Variants in COL28A1 observed in about 807,000 individuals in gnomAD.
COL28A1 encodes the protein collagen alpha-1(XXVIII) chain.
COL28A1 carries 161 observed loss-of-function variants against 150.2 expected under a neutral mutation model. The ratio of observed to expected loss-of-function variants is 1.07; its 90% CI spans 0.94 to 1.22. The LOEUF (loss-of-function observed/expected upper bound fraction) is 1.22, where lower values mean the gene tolerates loss of function less well. COL28A1 is among the 50% of genes most tolerant of loss of function. The pLI, the probability that COL28A1 is intolerant of heterozygous loss-of-function variation, is 0.00. For synonymous variants in COL28A1, 552 were observed against 469.7 expected (o/e 1.18, Z -2.26); for missense variants, 1,617 against 1,388.3 (o/e 1.16, Z -2.62).
intron 15 of COL28A1, among the ~76,000 whole-genome samples, chr7:7,456,416 T>C (rs1339224964): frequency 6.6e-6 from 1 of 152,178 alleles, no homozygotes; most frequent in African/African-American, 2.4e-5. Flanking sequence ...CATTTCCTGC[T>C]AAGATTGTAA....
intron 13 of COL28A1, among the ~76,000 whole-genome samples, chr7:7,486,138 G>A (rs962849686): frequency 4.7e-4 from 71 of 152,028 alleles, no homozygotes; most frequent in Non-Finnish European, 8.1e-4. Context: ...TCAGTGTTTT[G>A]TAGTTTTATA....
chr7:7,383,684 A>G (rs10250319), intron 27 of COL28A1, among the ~76,000 whole-genome samples: 23,248 of 114,866 alleles, frequency 0.2, 4,486 homozygotes, highest in African/African-American at 0.55. Context: ...GTGTGTGTGT[A>G]TATATATATA....
intron 15 of COL28A1, among the ~76,000 whole-genome samples, chr7:7,459,262 A>T (rs77557607): frequency 6.6e-6 from 1 of 152,230 alleles, no homozygotes; most frequent in Non-Finnish European, 1.5e-5. Context: ...GCTGCTCCAA[A>T]GGAAGAAAGA....
At position 7,369,999 on chromosome 7, in the gene COL28A1, C is replaced by G. The variant is rs552905705; in HGVS notation, c.3066+726G>C. On this transcript the variant is annotated intron_variant, in intron 33 of 34. Coordinates refer to ENST00000399429, the MANE Select transcript of COL28A1 (RefSeq NM_001037763.3). The stretch of plus-strand genomic sequence containing the variant: ...ACTTGGTGGAGAAGAGACTATAGCA[C>G]TCATCGGTAACTAAAAAAGGCTCCC... Among the ~76,000 whole-genome samples, 198 of 152,148 alleles carry G rather than the reference C, an allele frequency of 1.3e-3. 1 individual carries two copies. The highest frequency in any genetic ancestry group is 2.1e-3 in the Non-Finnish European group (145 of 68,006).
intron 27 of COL28A1, among the ~76,000 whole-genome samples, chr7:7,400,988 G>A (rs1783157941): frequency 7.0e-6 from 1 of 143,432 alleles, no homozygotes; most frequent in Admixed American, 6.9e-5. Context: ...GTGTGTGTGT[G>A]TGTGTGTGTG....
chr7:7,388,730 T>C (rs1399197505), intron 27 of COL28A1, among the ~76,000 whole-genome samples: 1 of 152,220 alleles, frequency 6.6e-6, no homozygotes, highest in Non-Finnish European at 1.5e-5. Flanking sequence ...CTCATTGTGG[T>C]TTTGATTGGC....
Position 7,380,789 on chromosome 7 carries a change from C to T in COL28A1, c.2279G>A (p.Gly760Glu). 2 of 1,613,426 alleles carry T rather than the reference C, an allele frequency of 1.2e-6. No individual in the cohort carries two copies. Among genetic ancestry groups the T allele is most frequent in the Non-Finnish European group, 1.7e-6 (2 of 1,179,448 alleles). The change falls in exon 29 of 35, where the codon GGA becomes GAA. Residue 760 changes from glycine (G) to glutamate (E), a missense_variant. Physicochemically the swap from Gly to Glu is moderately conservative, Grantham distance 98 (BLOSUM62 -2). Coordinates refer to ENST00000399429, the MANE Select transcript of COL28A1 (RefSeq NM_001037763.3). ...ACATTAAAAACTACTTGCCTGTTTT[C>T]CTGGAGATCCAGGCTCTCCAATTTC... Reference protein sequence around the residue: ...KGEIGEPGSPGKQGLQGPKGD... With the variant: ...KGEIGEPGSPEKQGLQGPKGD...
intron 27 of COL28A1, among the ~76,000 whole-genome samples, chr7:7,408,059 T>A (rs1273050329): frequency 6.6e-6 from 1 of 152,172 alleles, no homozygotes; most frequent in Non-Finnish European, 1.5e-5. Context: ...TTAATTCCAT[T>A]TCTGTGTCTC....
intron 18 of COL28A1, among the ~76,000 whole-genome samples, chr7:7,447,787 C>CTAAAAA (rs1022541670): frequency 2.6e-5 from 4 of 152,010 alleles, no homozygotes; most frequent in African/African-American, 9.7e-5. Flanking sequence ...AAAAGCTATC[C>CTAAAAA]TAAATTAAAC....
chr7:7,399,490 G>A (rs1198355369), intron 27 of COL28A1, among the ~76,000 whole-genome samples: 1 of 152,148 alleles, frequency 6.6e-6, no homozygotes, highest in Non-Finnish European at 1.5e-5. Flanking sequence ...ATTGTTCTGA[G>A]CTAGAGGTAA....
intron 19 of COL28A1, 62 bp downstream of exon 19, chr7:7,444,356 G>A: frequency 6.2e-7 from 1 of 1,602,828 alleles, no homozygotes; most frequent in Non-Finnish European, 8.5e-7. Context: ...GCTCCTGCAG[G>A]ACCAAGATAT....
intron 7 of COL28A1, 146 bp downstream of exon 7, chr7:7,517,650 C>A: frequency 1.8e-6 from 2 of 1,142,424 alleles, no homozygotes; most frequent in Non-Finnish European, 2.5e-6. Flanking sequence ...AAGATCATAT[C>A]TTTCTGATTG....
chr7:7,529,102 G>C (rs1225962441), intron 3 of COL28A1, among the ~76,000 whole-genome samples: 2 of 151,808 alleles, frequency 1.3e-5, no homozygotes, highest in Non-Finnish European at 2.9e-5. Flanking sequence ...AGGAGTTTGA[G>C]AACAGCCTGG....
At chr7:7,378,242 G>A (rs1341891606) in intron 30 of COL28A1, among the ~76,000 whole-genome samples, 1 of 152,162 alleles carries the variant, frequency 6.6e-6, no homozygotes, top group Middle Eastern at 3.2e-3. Flanking sequence ...TTTGAAACCG[G>A]TGTGTTTCTC....
intron 13 of COL28A1, among the ~76,000 whole-genome samples, chr7:7,486,449 C>T (rs1012804405): frequency 2.6e-5 from 4 of 152,050 alleles, no homozygotes; most frequent in South Asian, 2.1e-4. Context: ...CTTGTCTTAT[C>T]GTGCTGGCTG....
At chr7:7,362,665 A>G (rs1780730700) in intron 33 of COL28A1, among the ~76,000 whole-genome samples, 1 of 152,208 alleles carries the variant, frequency 6.6e-6, no homozygotes, top group Admixed American at 6.5e-5. Context: ...CACAATTCAA[A>G]TACAATAGGA....
At chr7:7,362,636 T>C (rs2348027) in intron 33 of COL28A1, among the ~76,000 whole-genome samples, 118,543 of 151,972 alleles carry the variant, frequency 0.78, 46,413 homozygotes, top group East Asian at 0.88. Context: ...GATTGGTCAT[T>C]AGCCCTATAT....
chr7:7,432,703 G>A lies in COL28A1; in HGVS notation c.1861-3C>T, dbSNP rs1323273199. 1 of 1,612,462 alleles carries A rather than the reference G, an allele frequency of 6.2e-7. No homozygotes were observed. The stretch of plus-strand genomic sequence containing the variant: ...GGTCCCCGAGGGCCTTGGACACCCT[G>A]GGTAAATTCCAACATCAGTGATATC... On this transcript the variant is annotated splice_region_variant and splice_polypyrimidine_tract_variant and intron_variant, in intron 23 of 34. Coordinates refer to ENST00000399429, the MANE Select transcript of COL28A1 (RefSeq NM_001037763.3).
At chr7:7,542,672 T>A in the COL28A1 span, among the ~76,000 whole-genome samples, 1 of 152,214 alleles carries the variant, frequency 6.6e-6, no homozygotes, top group Non-Finnish European at 1.5e-5. Flanking sequence ...AACTTTATCT[T>A]GAAAGCAACG....
Sources: gnomAD v4.1 joint callset for allele counts (sites outside exome capture counted in the v4.1 genomes callset) on GRCh38, gnomAD v4.1.1 for gene constraint, MANE v1.5 for transcripts, NCBI Gene and HGNC (gene_info 2026-07-23, HGNC 2026-07-21) for gene names.